Variants in EYS observed in about 807,000 individuals in gnomAD.
The protein encoded by EYS is EGF-like photoreceptor maintenance factor, also known as protein eyes shut homolog.
In EYS, 250 loss-of-function variants were observed where a neutral mutation model predicts 282.1. That is an observed-to-expected ratio of 0.89 (90% confidence interval 0.80 to 0.98). The LOEUF is 0.98. Ranked by LOEUF, EYS falls within the 50% of genes least tolerant of loss-of-function variation. The pLI is 0.00. For synonymous variants in EYS, 1,355 were observed against 1,282.9 expected, an observed-to-expected ratio of 1.06 and a Z score of -1.20; for missense variants, 4,016 against 3,709.0, an observed-to-expected ratio of 1.08 and a Z score of -2.15.
At chr6:65,562,234 A>T (rs192816506) in intron 2 of EYS, among the ~76,000 whole-genome samples, 1 of 152,188 alleles carries the variant, frequency 6.6e-6, no homozygotes. Flanking sequence ...TATCAGGAAC[A>T]AACATCAGAT....
At chr6:65,481,326 G>A (rs1029602835) in intron 5 of EYS, among the ~76,000 whole-genome samples, 2 of 144,914 alleles carry the variant, frequency 1.4e-5, no homozygotes, top group African/African-American at 2.5e-5. Context: ...TGGCATATAT[G>A]TATATCTGTT....
At chr6:65,611,357 T>C (rs138018371) in intron 2 of EYS, among the ~76,000 whole-genome samples, 16 of 152,104 alleles carry the variant, frequency 1.1e-4, no homozygotes, top group African/African-American at 3.9e-4. Flanking sequence ...TCTAAGAACA[T>C]AAATAAATTA....
intron 5 of EYS, among the ~76,000 whole-genome samples, chr6:65,486,459 A>C (rs535497994): frequency 3.3e-5 from 5 of 152,204 alleles, no homozygotes; most frequent in Admixed American, 6.5e-5. Flanking sequence ...AAATTTGATT[A>C]AACAGCTAAA....
At chr6:64,403,181 T>G in intron 28 of EYS, among the ~76,000 whole-genome samples, 1 of 152,192 alleles carries the variant, frequency 6.6e-6, no homozygotes, top group South Asian at 2.1e-4. Flanking sequence ...AAATATAGAC[T>G]TTATAAAAAG....
intron 28 of EYS, among the ~76,000 whole-genome samples, chr6:64,408,490 G>A (rs1273288242): frequency 6.6e-6 from 1 of 152,184 alleles, no homozygotes; most frequent in East Asian, 1.9e-4. Flanking sequence ...TAAAGGAGGT[G>A]TATATCTGGG....
chr6:64,307,029 A>G lies in EYS; in HGVS notation c.6132T>C (p.Asn2044=), dbSNP rs2150375971. Residue 2044 remains asparagine, a synonymous_variant, in exon 30 of 43, where the codon AAT becomes AAC. Coordinates refer to ENST00000503581, the MANE Select transcript of EYS (RefSeq NM_001142800.2). ...TGGATGGAATGAAAGATCTCCAGTTATTTATTTCTATAACTTCTATGCAGC... is the reference window on the plus strand; with the variant it reads ...TGGATGGAATGAAAGATCTCCAGTTGTTTATTTCTATAACTTCTATGCAGC... ...FTGCIEVIEI[N]NWRSFIPSKA... is the part of the protein sequence containing the mutation. 4 of 1,545,476 alleles carry G rather than the reference A, an allele frequency of 2.6e-6. No individual in the cohort carries two copies. Among genetic ancestry groups the G allele is most frequent in the Non-Finnish European group, 3.5e-6 (4 of 1,142,240 alleles).
At chr6:65,242,260 G>A (rs904061656) in intron 12 of EYS, among the ~76,000 whole-genome samples, 1 of 151,674 alleles carries the variant, frequency 6.6e-6, no homozygotes, top group Non-Finnish European at 1.5e-5. Flanking sequence ...TTTTTAACCA[G>A]GAAAAGAATC....
chr6:64,075,706 AG>A (rs1771749220), intron 32 of EYS, among the ~76,000 whole-genome samples: 1 of 151,944 alleles, frequency 6.6e-6, no homozygotes, highest in Admixed American at 6.6e-5. Flanking sequence ...TCCCTAGACA[AG>A]GTACAAGAGG....
At chr6:65,064,256 A>G (rs1038535042) in intron 12 of EYS, among the ~76,000 whole-genome samples, 1 of 129,990 alleles carries the variant, frequency 7.7e-6, no homozygotes, top group African/African-American at 3.6e-5. Context: ...TATGATATAT[A>G]TATCATATAT....
At chr6:64,625,183 C>A (rs1338774657) in intron 23 of EYS, among the ~76,000 whole-genome samples, 1 of 151,214 alleles carries the variant, frequency 6.6e-6, no homozygotes. Flanking sequence ...AGGAAAAGAG[C>A]AAAAATCTGA....
chr6:65,328,200 T>C (rs1179047663), intron 11 of EYS, among the ~76,000 whole-genome samples: 2 of 151,430 alleles, frequency 1.3e-5, no homozygotes, highest in Non-Finnish European at 3.0e-5. Flanking sequence ...AATTAAACTG[T>C]TCCAGTCAAT....
intron 8 of EYS, among the ~76,000 whole-genome samples, chr6:65,359,239 T>C (rs1396848933): frequency 6.6e-6 from 1 of 152,074 alleles, no homozygotes; most frequent in East Asian, 1.9e-4. Context: ...TCATGTCACA[T>C]CAGAAATAAG....
chr6:63,981,749 T>G (rs910320746), intron 35 of EYS, among the ~76,000 whole-genome samples: 2 of 151,834 alleles, frequency 1.3e-5, no homozygotes, highest in Non-Finnish European at 2.9e-5. Flanking sequence ...GGTGAGATAA[T>G]GTACGTGATG....
At chr6:65,021,388 C>T in intron 13 of EYS, among the ~76,000 whole-genome samples, 1 of 152,226 alleles carries the variant, frequency 6.6e-6, no homozygotes, top group South Asian at 2.1e-4. Flanking sequence ...CACCTTTGCT[C>T]TAGTTCCCAA....
intron 22 of EYS, among the ~76,000 whole-genome samples, chr6:64,715,035 T>C (rs925602028): frequency 2.0e-5 from 3 of 152,088 alleles, no homozygotes; most frequent in African/African-American, 7.2e-5. Context: ...TCCCCAGTTT[T>C]TTTTTTTTGG....
intron 2 of EYS, among the ~76,000 whole-genome samples, chr6:65,622,659 C>A (rs998004098): frequency 7.2e-5 from 11 of 152,012 alleles, no homozygotes; most frequent in East Asian, 3.9e-4. Flanking sequence ...TACTTCAAAG[C>A]AGACTATCAT....
chr6:64,798,614 T>G (rs1216626865), intron 22 of EYS, among the ~76,000 whole-genome samples: 1 of 148,672 alleles, frequency 6.7e-6, no homozygotes, highest in Non-Finnish European at 1.5e-5. Flanking sequence ...CTGGTTTTTT[T>G]TTTTTTTTTT....
intron 26 of EYS, among the ~76,000 whole-genome samples, chr6:64,497,648 A>G (rs2150509806): frequency 6.6e-6 from 1 of 152,250 alleles, no homozygotes; most frequent in South Asian, 2.1e-4. Context: ...GTAAAATCTC[A>G]TGGGTGAGTG....
intron 12 of EYS, among the ~76,000 whole-genome samples, chr6:65,113,479 T>G (rs1442194928): frequency 1.3e-5 from 2 of 152,012 alleles, no homozygotes; most frequent in Non-Finnish European, 2.9e-5. Flanking sequence ...AGGCAAAATT[T>G]AAAACGAGGT....
Sources: gnomAD v4.1 joint callset for allele counts (sites outside exome capture counted in the v4.1 genomes callset) on GRCh38, gnomAD v4.1.1 for gene constraint, MANE v1.5 for transcripts, NCBI Gene and HGNC (gene_info 2026-07-23, HGNC 2026-07-21) for gene names.